AGAP1: variants seen among roughly 807,000 people sequenced by gnomAD.
AGAP1 encodes ArfGAP with GTPase domain, ankyrin repeat and PH domain 1.
Under a neutral mutation model 105.3 loss-of-function variants are expected in AGAP1, and 29 were observed. The observed-to-expected ratio is 0.28, with a 90% CI of 0.21 to 0.38. The LOEUF is 0.38. AGAP1 is among the 10% of genes least tolerant of loss of function. AGAP1 has a pLI of 1.00. For synonymous variants in AGAP1, 509 were observed against 485.9 expected (o/e 1.05, Z -0.63); for missense variants, 998 against 1,165.1 (o/e 0.86, Z 2.09).
intron 9 of AGAP1, among the ~76,000 whole-genome samples, chr2:235,813,320 C>T (rs1210204266): frequency 6.6e-6 from 1 of 152,222 alleles, no homozygotes; most frequent in Admixed American, 6.5e-5. Context: ...GAATACTTCC[C>T]TTGGCCGTGA....
In AGAP1 at chr2:236,087,548, G is replaced by A. The variant is rs1046756338; in HGVS notation, c.2115-32644G>A. Among the ~76,000 whole-genome samples, 2 of 152,146 alleles carry A rather than the reference G, an allele frequency of 1.3e-5. No homozygotes were observed. The highest frequency in any genetic ancestry group is 4.8e-5 in the African/African-American group (2 of 41,438). On this transcript the variant is annotated intron_variant, in intron 16 of 17. Coordinates refer to ENST00000304032, the MANE Select transcript of AGAP1 (RefSeq NM_001037131.3). The surrounding 1 kb of genome is among the most constrained non-coding windows in gnomAD (Gnocchi z 5.7). ...GACTGTGGTGCACACTGCCCATGAC[G>A]GGCTACTTGGACGGCTCATGCCCAC...
intron 1 of AGAP1, among the ~76,000 whole-genome samples, chr2:235,644,715 C>A (rs116495640): frequency 1.3e-5 from 2 of 152,034 alleles, no homozygotes; most frequent in African/African-American, 4.8e-5. Flanking sequence ...ACCTTGGTGC[C>A]AGAGTTCTGA....
intron 1 of AGAP1, among the ~76,000 whole-genome samples, chr2:235,632,801 TC>T (rs143234107): frequency 0.01 from 1,592 of 152,312 alleles, 26 homozygotes; most frequent in African/African-American, 0.036. Context: ...AGCCCGGTTT[TC>T]CTCTTGTGGC....
chr2:235,515,589 G>C (rs1299278166), intron 1 of AGAP1, among the ~76,000 whole-genome samples: 3 of 152,194 alleles, frequency 2.0e-5, no homozygotes, highest in Non-Finnish European at 4.4e-5. Context: ...TTGTGCATCT[G>C]CCCTTGTTCA....
chr2:235,642,456 C>T lies in AGAP1; in HGVS notation c.164-66723C>T, dbSNP rs1287151746. Among the ~76,000 whole-genome samples the T allele has an allele frequency of 6.6e-6, 1 of 150,880 alleles. No individual in the cohort carries two copies. Among genetic ancestry groups the T allele is most frequent in the Non-Finnish European group, 1.5e-5 (1 of 67,480 alleles). On this transcript the variant is annotated intron_variant, in intron 1 of 17. Transcript: ENST00000304032. The surrounding 1 kb of genome is among the most constrained non-coding windows in gnomAD (Gnocchi z 4.1). ...GGTCTATGAGAGCCCACCACAGCAG[C>T]AGCCCTCTGGATGGGGATTTGGGTC...
At position 235,559,171 on chromosome 2, in the gene AGAP1, C is replaced by T. The variant is rs911789084; in HGVS notation, c.163+64322C>T. ...TGAACTCCTGGGCTTAAGTGATCCT[C>T]GCACCTCAGCTTCCCAAAGTGCTGG... On this transcript the variant is annotated intron_variant, in intron 1 of 17. Coordinates refer to ENST00000304032, the MANE Select transcript of AGAP1 (RefSeq NM_001037131.3). This position sits in a 1 kb window ranked among gnomAD's most constrained non-coding sequence, Gnocchi z 5.7. Among the ~76,000 whole-genome samples, 6 of 152,166 alleles carry T rather than the reference C, an allele frequency of 3.9e-5. No individual in the cohort carries two copies. The East Asian group carries it at 7.7e-4, about 20-fold the overall frequency.
intron 1 of AGAP1, among the ~76,000 whole-genome samples, chr2:235,686,020 AG>A (rs2149417159): frequency 1.3e-5 from 2 of 152,326 alleles, no homozygotes; most frequent in East Asian, 1.9e-4. Flanking sequence ...ATATGCACTT[AG>A]TGAGCAGGGC....
At chr2:235,760,516 A>G (rs1320071127) in intron 6 of AGAP1, among the ~76,000 whole-genome samples, 2 of 152,204 alleles carry the variant, frequency 1.3e-5, no homozygotes, top group African/African-American at 2.4e-5. Flanking sequence ...GTTTTTGAAT[A>G]TTATTTCAAT....
chr2:235,547,801 T>C (rs1943676235), intron 1 of AGAP1, among the ~76,000 whole-genome samples: 1 of 152,224 alleles, frequency 6.6e-6, no homozygotes, highest in African/African-American at 2.4e-5. Context: ...CCATGAGTCC[T>C]TTCTACTGTG....
At chr2:235,827,570 G>C (rs1959140366) in intron 9 of AGAP1, among the ~76,000 whole-genome samples, 1 of 152,144 alleles carries the variant, frequency 6.6e-6, no homozygotes, top group African/African-American at 2.4e-5. Context: ...AAGTTCCTTA[G>C]TGTGCCAGGA....
In AGAP1 at chr2:235,655,201, ATG is replaced by A. The variant is rs1947734409; in HGVS notation, c.164-53976_164-53975del. Among the ~76,000 whole-genome samples, 1 of 152,218 alleles carries A rather than the reference ATG, an allele frequency of 6.6e-6. No homozygotes were observed. The highest frequency in any genetic ancestry group is 1.5e-5 in the Non-Finnish European group (1 of 68,050). ...TGGAATTGAACATGGAATTAATTAA[ATG>A]TACAGAAGCTGGAAGGTAGACAGGT... On this transcript the variant is annotated intron_variant, in intron 1 of 17. Transcript: ENST00000304032. This position sits in a 1 kb window ranked among gnomAD's most constrained non-coding sequence, Gnocchi z 4.3.
At chr2:235,955,266 G>A (rs2053898618) in intron 12 of AGAP1, among the ~76,000 whole-genome samples, 1 of 152,072 alleles carries the variant, frequency 6.6e-6, no homozygotes, top group Non-Finnish European at 1.5e-5. Flanking sequence ...TTGTACCCTG[G>A]GTGCGGGCCA....
At position 235,883,439 on chromosome 2, in the gene AGAP1, C is replaced by G. The variant is rs142575222; in HGVS notation, c.1145C>G (p.Pro382Arg). 1 of 1,613,662 alleles carries G rather than the reference C, an allele frequency of 6.2e-7. No individual in the cohort carries two copies. Among genetic ancestry groups the G allele is most frequent in the Admixed American group, 1.7e-5 (1 of 59,976 alleles). The change falls in exon 10 of 18, where the codon CCC becomes CGC. Residue 382 changes from proline to arginine, a missense_variant. Coordinates refer to ENST00000304032, the MANE Select transcript of AGAP1 (RefSeq NM_001037131.3). The surrounding 1 kb of genome is among the most constrained non-coding windows in gnomAD (Gnocchi z 4.5). ...GACAATGGCGTGCTGACCTATCATC[C>G]CAGTTTACATGTGAGTATAGCCCCC... ...LCDNGVLTYH[P>R]SLHDYMQNVH...
Position 235,614,629 on chromosome 2 carries a change from G to A in AGAP1, c.164-94550G>A, listed in dbSNP as rs762005946. 1.3e-5 allele frequency among the ~76,000 whole-genome samples: 2 copies of A among 152,178 alleles called. No homozygotes were observed. The highest frequency in any genetic ancestry group is 2.9e-5 in the Non-Finnish European group (2 of 68,040). ...CCCAGGCCTGCAGGAGTGTGGGTTG[G>A]CTCTCTACCCCCGTTGCAGATTGGC... On this transcript the variant is annotated intron_variant, in intron 1 of 17. Coordinates refer to ENST00000304032, the MANE Select transcript of AGAP1 (RefSeq NM_001037131.3). The surrounding 1 kb of genome is among the most constrained non-coding windows in gnomAD (Gnocchi z 4.7).
chr2:235,710,741 C>T (rs3768969), intron 2 of AGAP1, among the ~76,000 whole-genome samples: 75,798 of 152,028 alleles, frequency 0.5, 20,710 homozygotes, highest in African/African-American at 0.74. Flanking sequence ...CTTGGCAATG[C>T]TGTTACCAGG....
In AGAP1 at chr2:235,962,776, C is replaced by T. The variant is rs115630042; in HGVS notation, c.1484-5686C>T. ...CTGGTTGAAATTCCATGGGGTTTCT[C>T]GCTATTGATATTTTAGGTATTTGAG... On this transcript the variant is annotated intron_variant, in intron 12 of 17. Transcript: ENST00000304032. The surrounding 1 kb of genome is among the most constrained non-coding windows in gnomAD (Gnocchi z 5.3). Among the ~76,000 whole-genome samples the T allele has an allele frequency of 2.9e-3, 444 of 152,240 alleles. 1 individual carries two copies. Among genetic ancestry groups the T allele is most frequent in the Non-Finnish European group, 4.8e-3 (329 of 68,016 alleles).
In AGAP1 at chr2:235,867,611, A is replaced by G. The variant is rs2049241756; in HGVS notation, c.1051-15734A>G. ...AGGGTGACCCCCACACCAAGCACACAGGGCCATGGATTTTCACTGTCTTGG... is the reference window on the plus strand; with the variant it reads ...AGGGTGACCCCCACACCAAGCACACGGGGCCATGGATTTTCACTGTCTTGG... On this transcript the variant is annotated intron_variant, in intron 9 of 17. Coordinates refer to ENST00000304032, the MANE Select transcript of AGAP1 (RefSeq NM_001037131.3). The surrounding 1 kb of genome is among the most constrained non-coding windows in gnomAD (Gnocchi z 5.4). 6.6e-6 allele frequency among the ~76,000 whole-genome samples: 1 copy of G among 150,688 alleles called. No individual in the cohort carries two copies. The highest frequency in any genetic ancestry group is 1.5e-5 in the Non-Finnish European group (1 of 67,788).
At chr2:236,110,772 G>A (rs1455977900) in intron 16 of AGAP1, among the ~76,000 whole-genome samples, 1 of 152,164 alleles carries the variant, frequency 6.6e-6, no homozygotes, top group Non-Finnish European at 1.5e-5. Flanking sequence ...GAGAAATTAT[G>A]CAGAAAGGCC....
At chr2:235,643,050 G>A (rs1002685149) in intron 1 of AGAP1, among the ~76,000 whole-genome samples, 1 of 152,148 alleles carries the variant, frequency 6.6e-6, no homozygotes, top group Admixed American at 6.5e-5. Context: ...AGACTCCAGG[G>A]ACCAGCTCCT....
Sources: gnomAD v4.1 joint callset for allele counts (sites outside exome capture counted in the v4.1 genomes callset) on GRCh38, gnomAD v4.1.1 for gene constraint, Gnocchi (gnomAD v3.1) non-coding constraint, MANE v1.5 for transcripts, NCBI Gene and HGNC (gene_info 2026-07-23, HGNC 2026-07-21) for gene names.